The following F11 variants were observed in gnomAD, a reference collection of about 807,000 sequenced individuals.
F11 encodes coagulation factor XI.
Under a neutral mutation model 76.5 loss-of-function variants are expected in F11, and 78 were observed. The ratio of observed to expected loss-of-function variants is 1.02; its 90% CI spans 0.85 to 1.23. The LOEUF is 1.23. Among genes scored for constraint, F11 ranks in the 50% most tolerant of loss-of-function variants. F11 has a pLI of 0.00. For missense variants in F11, 742 were observed against 771.4 expected (o/e 0.96, Z 0.45); for synonymous variants, 278 against 276.3 (o/e 1.01, Z -0.06).
intron 7 of F11, among the ~76,000 whole-genome samples, chr4:186,276,791 G>A (rs992551898): frequency 2.6e-4 from 40 of 151,882 alleles, no homozygotes; most frequent in African/African-American, 9.2e-4. Context: ...GTTTCACCAT[G>A]TTGGCCAGGC....
At chr4:186,282,879 G>T (rs573096736) in intron 10 of F11, 145 of 985,058 alleles carry the variant, frequency 1.5e-4, no homozygotes, top group Non-Finnish European at 1.7e-4. Context: ...ATCTGCCCCA[G>T]AATTATACAC....
intron 7 of F11, among the ~76,000 whole-genome samples, chr4:186,276,840 C>T (rs4253416): frequency 0.56 from 84,533 of 151,764 alleles, 23,834 homozygotes; most frequent in East Asian, 0.83. Flanking sequence ...CCACCTGCCT[C>T]GGCCTCCCAA....
chr4:186,280,198 C>T (rs1305247162), intron 8 of F11, 25 bp from the exon 9 acceptor site: 9 of 1,614,036 alleles, frequency 5.6e-6, no homozygotes, highest in Admixed American at 3.3e-5. Context: ...GAGGGTCTCA[C>T]TCTGACATGT....
At chr4:186,282,131 A>G in intron 10 of F11, 1 of 1,151,308 alleles carries the variant, frequency 8.7e-7, no homozygotes, top group Non-Finnish European at 1.1e-6. Context: ...GTTGCTGTTA[A>G]GTAATGTTGA....
In F11 at chr4:186,280,474, G is replaced by C; in HGVS notation, c.1029G>C (p.Lys343Asn). ...TPAQASCNEG[K>N]GKCYLKLSSN... ...TATACCGTTTTGTTTCCAACTGCAG[G>C]GGCAAGTGTTACTTAAAGCTTTCTT... Residue 343 changes from lysine to asparagine, a missense_variant and splice_region_variant, in exon 10 of 15, where the codon AAG becomes AAC. By Grantham distance (94) the Lys-to-Asn change is moderately conservative. Coordinates refer to ENST00000403665, the MANE Select transcript of F11 (RefSeq NM_000128.4). 2 of 1,614,122 alleles carry C rather than the reference G, an allele frequency of 1.2e-6. No homozygotes were observed. The highest frequency in any genetic ancestry group is 1.7e-6 in the Non-Finnish European group (2 of 1,180,024).
intron 11 of F11, among the ~76,000 whole-genome samples, chr4:186,285,137 T>C (rs1046246543): frequency 6.6e-6 from 1 of 152,078 alleles, no homozygotes; most frequent in African/African-American, 2.4e-5. Flanking sequence ...CCAGACACAG[T>C]TTTGTGTGCT....
At chr4:186,275,472 G>A (rs182318321) in intron 5 of F11, among the ~76,000 whole-genome samples, 95 of 151,596 alleles carry the variant, frequency 6.3e-4, no homozygotes, top group Admixed American at 1.4e-3. Flanking sequence ...TCCAACCTGG[G>A]CAACAGAGTG....
intron 2 of F11, 23 bp from the exon 3 acceptor site, chr4:186,271,586 G>A (rs766464009): frequency 5.0e-6 from 8 of 1,613,582 alleles, no homozygotes; most frequent in East Asian, 4.5e-5. Context: ...CCAACATAAC[G>A]CATGCCATGT....
rs1740097607 is a variant in F11 at position 186,273,067 on chromosome 4, A to C, written c.219-4A>C. 6.3e-7 allele frequency: 1 copy of C among 1,593,980 alleles called. No homozygotes were observed. The highest frequency in any genetic ancestry group is 8.6e-7 in the Non-Finnish European group (1 of 1,162,362). ...TCATTAATATGTATTTTTTAAAAAA[A>C]CAGGTTTACTTGTGTCCTGAAAGAC... On this transcript the variant is annotated splice_region_variant and splice_polypyrimidine_tract_variant and intron_variant, in intron 3 of 14. Coordinates refer to ENST00000403665, the MANE Select transcript of F11 (RefSeq NM_000128.4).
intron 4 of F11, 76 bp downstream of exon 4, chr4:186,273,253 C>A: frequency 8.4e-7 from 1 of 1,188,682 alleles, no homozygotes; most frequent in Non-Finnish European, 1.3e-6. Flanking sequence ...GGTTTTAAGG[C>A]TATGAAATGA....
chr4:186,278,604 C>T (rs1740554114), intron 7 of F11, among the ~76,000 whole-genome samples: 1 of 152,224 alleles, frequency 6.6e-6, no homozygotes, highest in South Asian at 2.1e-4. Context: ...TCAGTGATAG[C>T]ACCAAGACTT....
Position 186,280,438 on chromosome 4 carries a change from T to G in F11, c.1029-36T>G. The stretch of plus-strand genomic sequence containing the variant: ...ACCCTTGTCCCGTCTGCCTGTGAGG[T>G]GCATTATGTTTATACCGTTTTGTTT... On this transcript the variant is annotated intron_variant, in intron 9 of 14. Coordinates refer to ENST00000403665, the MANE Select transcript of F11 (RefSeq NM_000128.4). The G allele has an allele frequency of 1.9e-6, 3 of 1,614,120 alleles. No homozygotes were observed. The South Asian group carries it at 3.3e-5, about 18-fold the overall frequency.
At chr4:186,283,951 C>A in intron 10 of F11, 141 bp from the exon 11 acceptor site, 1 of 1,351,530 alleles carries the variant, frequency 7.4e-7, no homozygotes, top group Non-Finnish European at 1.0e-6. Context: ...GCTTTGGCAG[C>A]TTGATTATAA....
At chr4:186,281,454 G>A (rs563569794) in intron 10 of F11, among the ~76,000 whole-genome samples, 37 of 152,216 alleles carry the variant, frequency 2.4e-4, no homozygotes, top group South Asian at 6.2e-4. Flanking sequence ...TAGATTACAC[G>A]AGACCTGTAA....
At chr4:186,284,634 T>C (rs986004112) in intron 11 of F11, among the ~76,000 whole-genome samples, 29 of 151,196 alleles carry the variant, frequency 1.9e-4, no homozygotes, top group African/African-American at 6.9e-4. Context: ...TGTGTGTGTG[T>C]GTGTGTGCGT....
chr4:186,285,397 C>CGT (rs377511129), intron 11 of F11, among the ~76,000 whole-genome samples: 3 of 151,032 alleles, frequency 2.0e-5, no homozygotes, highest in Non-Finnish European at 4.4e-5. Context: ...CGGGTGTGTG[C>CGT]GTGTGTGTGT....
chr4:186,284,015 T>C, intron 10 of F11, 77 bp from the exon 11 acceptor site: 1 of 1,610,560 alleles, frequency 6.2e-7, no homozygotes, highest in South Asian at 1.1e-5. Flanking sequence ...AAGGTTTTCT[T>C]CTTGTTCCTG....
intron 14 of F11, among the ~76,000 whole-genome samples, chr4:186,288,205 C>T (rs775818711): frequency 2.0e-5 from 3 of 152,124 alleles, no homozygotes; most frequent in Non-Finnish European, 2.9e-5. Flanking sequence ...AGCCACCGCG[C>T]CGGGCCGCTT....
chr4:186,267,076 T>C (rs907806464), intron 1 of F11, 60 bp from the exon 2 acceptor site: 1 of 1,107,794 alleles, frequency 9.0e-7, no homozygotes, highest in African/African-American at 1.5e-5. Flanking sequence ...TTAGTGTCAG[T>C]AAACTAATTA....
Sources: gnomAD v4.1 joint callset for allele counts (sites outside exome capture counted in the v4.1 genomes callset) on GRCh38, gnomAD v4.1.1 for gene constraint, MANE v1.5 for transcripts, NCBI Gene and HGNC (gene_info 2026-07-23, HGNC 2026-07-21) for gene names.